RPS6KC1: variants seen among roughly 807,000 people sequenced by gnomAD.
RPS6KC1 encodes inactive ribosomal protein S6 kinase delta-1.
RPS6KC1 carries 54 observed loss-of-function variants against 103.8 expected under a neutral mutation model. The ratio of observed to expected loss-of-function variants is 0.52; its 90% CI spans 0.42 to 0.65. The LOEUF (loss-of-function observed/expected upper bound fraction) is 0.65. RPS6KC1 is among the 30% of genes least tolerant of loss of function. The pLI, the probability that RPS6KC1 is intolerant of heterozygous loss-of-function variation, is 0.00. For synonymous variants in RPS6KC1, 439 were observed against 438.7 expected (o/e 1.00, Z -0.01); for missense variants, 1,151 against 1,253.8 (o/e 0.92, Z 1.24).
At chr1:213,832,989 A>G in the RPS6KC1 span, among the ~76,000 whole-genome samples, 1 of 152,108 alleles carries the variant, frequency 6.6e-6, no homozygotes, top group East Asian at 1.9e-4. Flanking sequence ...AGGGAGAAAA[A>G]ATGGGTGGAA....
the RPS6KC1 span, among the ~76,000 whole-genome samples, chr1:213,764,815 G>T: frequency 4.6e-5 from 7 of 152,274 alleles, no homozygotes; most frequent in East Asian, 1.2e-3. Flanking sequence ...CTTCAAGAAA[G>T]GTTCCAAAAA....
chr1:213,100,316 T>C (rs890767666), intron 3 of RPS6KC1, among the ~76,000 whole-genome samples: 4 of 152,196 alleles, frequency 2.6e-5, no homozygotes, highest in African/African-American at 9.7e-5. Flanking sequence ...TGGAGTTCTT[T>C]GTATATCTTA....
chr1:213,466,145 A>T, the RPS6KC1 span, among the ~76,000 whole-genome samples: 18 of 152,134 alleles, frequency 1.2e-4, no homozygotes, highest in African/African-American at 3.6e-4. Flanking sequence ...CCACTCACTG[A>T]TCTAGAAACA....
the RPS6KC1 span, among the ~76,000 whole-genome samples, chr1:213,580,259 G>A: frequency 3.9e-5 from 6 of 152,084 alleles, no homozygotes; most frequent in East Asian, 1.2e-3. Context: ...CAAGACTTCA[G>A]TGGAGGAAGT....
chr1:213,498,772 A>ATTC, the RPS6KC1 span, among the ~76,000 whole-genome samples: 1 of 112,024 alleles, frequency 8.9e-6, no homozygotes. Flanking sequence ...GTTTTCTAAG[A>ATTC]TTTTTTTTTT....
chr1:213,802,831 G>T, the RPS6KC1 span, among the ~76,000 whole-genome samples: 2 of 152,154 alleles, frequency 1.3e-5, no homozygotes, highest in South Asian at 4.1e-4. Context: ...TTTTGTCACT[G>T]TTGCAATGTC....
the RPS6KC1 span, among the ~76,000 whole-genome samples, chr1:213,462,409 A>G: frequency 1.3e-5 from 2 of 152,214 alleles, no homozygotes; most frequent in Admixed American, 6.5e-5. Context: ...CATTATGGGT[A>G]TATACCCAAA....
the RPS6KC1 span, among the ~76,000 whole-genome samples, chr1:213,373,226 G>T: frequency 6.6e-6 from 1 of 152,196 alleles, no homozygotes; most frequent in Non-Finnish European, 1.5e-5. Context: ...TTTAAGAAGG[G>T]TAGCTGGAGG....
At chr1:213,843,550 C>T in the RPS6KC1 span, 7 of 152,260 alleles carry the variant, frequency 4.6e-5, no homozygotes, top group South Asian at 1.5e-3. Context: ...GAACAAAGTT[C>T]CTAAGTGCTT....
chr1:213,762,272 G>A, the RPS6KC1 span, among the ~76,000 whole-genome samples: 7 of 152,156 alleles, frequency 4.6e-5, no homozygotes, highest in Non-Finnish European at 8.8e-5. Context: ...TGACAACTCA[G>A]CACAGAGTTT....
the RPS6KC1 span, among the ~76,000 whole-genome samples, chr1:213,577,701 T>C: frequency 6.6e-6 from 1 of 152,308 alleles, no homozygotes; most frequent in East Asian, 1.9e-4. Context: ...AGAGATGATT[T>C]AGGGTATCTG....
chr1:213,290,947 T>C, the RPS6KC1 span, among the ~76,000 whole-genome samples: 10 of 152,306 alleles, frequency 6.6e-5, no homozygotes, highest in Non-Finnish European at 1.2e-4. Flanking sequence ...CAAATGGCAG[T>C]GTTTACCTCC....
the RPS6KC1 span, among the ~76,000 whole-genome samples, chr1:213,339,356 G>A: frequency 5.9e-5 from 9 of 152,334 alleles, no homozygotes; most frequent in East Asian, 5.8e-4. Flanking sequence ...CACAGCTGTG[G>A]CCCCAGACAT....
the RPS6KC1 span, among the ~76,000 whole-genome samples, chr1:213,585,073 T>C: frequency 1.5e-3 from 231 of 152,350 alleles, 1 homozygote; most frequent in African/African-American, 5.1e-3. Context: ...AATTCTGTAA[T>C]ACCCTAAGCC....
At chr1:213,144,801 G>C (rs1198994489) in intron 6 of RPS6KC1, among the ~76,000 whole-genome samples, 1 of 152,118 alleles carries the variant, frequency 6.6e-6, no homozygotes, top group African/African-American at 2.4e-5. Context: ...TTCAGGGCCA[G>C]TGCAGAGGTT....
At chr1:213,342,583 T>C in the RPS6KC1 span, among the ~76,000 whole-genome samples, 13 of 152,286 alleles carry the variant, frequency 8.5e-5, no homozygotes, top group African/African-American at 2.6e-4. Context: ...TTCCCATCGA[T>C]GTACCCTAAC....
the RPS6KC1 span, among the ~76,000 whole-genome samples, chr1:213,653,320 G>T: frequency 1.3e-5 from 2 of 152,170 alleles, no homozygotes; most frequent in Non-Finnish European, 2.9e-5. Context: ...TTAGCCAGAT[G>T]TGGTGGCACG....
chr1:213,629,406 C>A, the RPS6KC1 span, among the ~76,000 whole-genome samples: 43 of 151,946 alleles, frequency 2.8e-4, no homozygotes, highest in East Asian at 4.4e-3. Flanking sequence ...GGATTGCAAC[C>A]CCTGCCTTTT....
chr1:213,602,028 C>CTTTCTTTCTTTCTTTCTCTTTCTTTCTT, the RPS6KC1 span, among the ~76,000 whole-genome samples: 5 of 11,896 alleles, frequency 4.2e-4, 1 homozygote, highest in East Asian at 9.4e-3. Flanking sequence ...TTCTTTCTTT[C>CTTTCTTTCTTTCTTTCTCTTTCTTTCTT]TCTTTCTCTT....
Sources: gnomAD v4.1 joint callset for allele counts (sites outside exome capture counted in the v4.1 genomes callset) on GRCh38, gnomAD v4.1.1 for gene constraint, MANE v1.5 for transcripts, NCBI Gene and HGNC (gene_info 2026-07-23, HGNC 2026-07-21) for gene names.